Variants in KIFC2 observed in about 807,000 individuals in gnomAD.
The protein encoded by KIFC2 is kinesin family member C2.
Under a neutral mutation model 91.5 loss-of-function variants are expected in KIFC2, and 94 were observed. The observed-to-expected ratio is 1.03, with a 90% CI of 0.87 to 1.22. KIFC2 has a LOEUF of 1.22. Among genes scored for constraint, KIFC2 ranks in the 50% most tolerant of loss-of-function variants. The pLI, the probability that KIFC2 is intolerant of heterozygous loss-of-function variation, is 0.00. For synonymous variants in KIFC2, 729 were observed against 503.9 expected, an observed-to-expected ratio of 1.45 and a Z score of -5.98; for missense variants, 1,357 against 1,103.3, an observed-to-expected ratio of 1.23 and a Z score of -3.26.
intron 13 of KIFC2, 34 bp downstream of exon 13, chr8:144,472,080 C>A: frequency 6.2e-7 from 1 of 1,613,270 alleles, no homozygotes; most frequent in Non-Finnish European, 8.5e-7. Flanking sequence ...TGGGAGAGGC[C>A]CCAGGGGCCC....
At position 144,469,238 on chromosome 8, in the gene KIFC2, C is replaced by T. The variant is rs528149738; in HGVS notation, c.1114-33C>T. The T allele has an allele frequency of 2.6e-5, 39 of 1,519,052 alleles. 1 individual carries two copies. The highest frequency in any genetic ancestry group is 1.3e-4 in the South Asian group (11 of 83,880). The allele number at this position is 1,519,052 out of a possible 1,614,324, so 94.1% of individuals were successfully genotyped here. On this transcript the variant is annotated intron_variant, in intron 10 of 17. Transcript: ENST00000645548. Reference sequence around the variant, plus strand: ...CCCACCTCCGCAGCTCCTTGGCTGACCCCTTGCCTTCTGTACATCCCTGTT... The same window carrying T: ...CCCACCTCCGCAGCTCCTTGGCTGATCCCTTGCCTTCTGTACATCCCTGTT...
Position 144,472,936 on chromosome 8 carries a change from G to C in KIFC2, c.2003G>C (p.Gly668Ala). Residue 668 changes from glycine (G) to alanine (A), a missense_variant, in exon 17 of 18, where the codon GGC (glycine) becomes GCC (alanine). Gly to Ala is a moderately conservative substitution (Grantham distance 60, BLOSUM62 0). Coordinates refer to ENST00000645548, the MANE Select transcript of KIFC2 (RefSeq NM_001369769.2). ...TINRSLLALG[G>A]VMAALRAHRP... is the part of the protein sequence containing the mutation. ...AACCGCTCGCTGCTGGCGCTAGGAG[G>C]CGTGATGGCCGCACTGCGGGCCCAC... is the stretch of plus-strand genomic sequence containing the variant. 6.7e-7 allele frequency: 1 copy of C among 1,485,174 alleles called. No homozygotes were observed. The highest frequency in any genetic ancestry group is 8.9e-7 in the Non-Finnish European group (1 of 1,128,290). The allele number at this position is 1,485,174 out of a possible 1,614,324, so 92.0% of individuals were successfully genotyped here.
At chr8:144,467,382 A>T (rs758646150) in intron 4 of KIFC2, 41 bp downstream of exon 4, 2 of 1,554,626 alleles carry the variant, frequency 1.3e-6, no homozygotes, top group East Asian at 4.5e-5. Flanking sequence ...CTCTGGAGGG[A>T]GCAAATCCCG....
At chr8:144,468,062 G>A (rs937127119) in intron 7 of KIFC2, 75 bp downstream of exon 7, 11 of 1,460,412 alleles carry the variant, frequency 7.5e-6, no homozygotes, top group Middle Eastern at 2.3e-4. Flanking sequence ...CACAGGGCCC[G>A]AGCCTCCTCA....
intron 7 of KIFC2, 124 bp from the exon 8 acceptor site, chr8:144,468,205 G>T: frequency 9.5e-7 from 1 of 1,053,998 alleles, no homozygotes; most frequent in Non-Finnish European, 1.4e-6. Flanking sequence ...GGAGGTCTGC[G>T]TGGAGCTGGG....
rs1176936107 is a variant in KIFC2, at chr8:144,467,861, G to A, written c.684G>A (p.Gly228=). ...EELGRLRLGV[G]ATDSEKRVQH... ...TGCCGAGGTTTCCTCTCCACCAGGG[G>A]GCGACGGACTCAGAGAAAAGGGTTC... The change falls in exon 7 of 18, where the codon GGG becomes GGA. Residue 228 remains glycine, a splice_region_variant and synonymous_variant. Transcript: ENST00000645548. 4 of 1,613,370 alleles carry A rather than the reference G, an allele frequency of 2.5e-6. No homozygotes were observed. The highest frequency in any genetic ancestry group is 2.2e-5 in the East Asian group (1 of 44,894).
Position 144,469,328 on chromosome 8 carries a change from G to A in KIFC2, c.1171G>A (p.Gly391Arg). ...AGGGCCTGGCACTCAGCTCCCTGAGGGGCAGCAAGGGCCCCCAGCCGGATG... is the reference window on the plus strand; with the variant it reads ...AGGGCCTGGCACTCAGCTCCCTGAGAGGCAGCAAGGGCCCCCAGCCGGATG... ...SGGPGTQLPE[G>R]QQGPPAGCPG... Residue 391 changes from glycine to arginine, a missense_variant, in exon 11 of 18, where the codon GGG becomes AGG. By Grantham distance (125) the Gly-to-Arg change is moderately radical. Coordinates refer to ENST00000645548, the MANE Select transcript of KIFC2 (RefSeq NM_001369769.2). 7 of 1,607,640 alleles carry A rather than the reference G, an allele frequency of 4.4e-6. No homozygotes were observed. Among genetic ancestry groups the A allele is most frequent in the Non-Finnish European group, 5.9e-6 (7 of 1,178,348 alleles).
chr8:144,466,948 C>A lies in KIFC2; in HGVS notation c.179-11C>A. On this transcript the variant is annotated splice_polypyrimidine_tract_variant and intron_variant, in intron 2 of 17. Coordinates refer to ENST00000645548, the MANE Select transcript of KIFC2 (RefSeq NM_001369769.2). ...CCCGAAATGTCTCCCGCCCTCCTCC[C>A]TGACCGGCAGCCAGCTCCGAGCCTG... 1 of 1,589,150 alleles carries A rather than the reference C, an allele frequency of 6.3e-7. No individual in the cohort carries two copies. Among genetic ancestry groups the A allele is most frequent in the Non-Finnish European group, 8.5e-7 (1 of 1,175,082 alleles).
intron 14 of KIFC2, 28 bp downstream of exon 14, chr8:144,472,287 TC>T: frequency 1.2e-6 from 2 of 1,613,346 alleles, no homozygotes; most frequent in South Asian, 2.2e-5. Context: ...GGAGGCCTTC[TC>T]CCCACCCCTG....
intron 7 of KIFC2, 166 bp from the exon 8 acceptor site, chr8:144,468,163 C>A: frequency 4.7e-6 from 5 of 1,052,714 alleles, no homozygotes; most frequent in Non-Finnish European, 6.7e-6. Flanking sequence ...CTCTGAGTGG[C>A]TGACCCCAGG....
chr8:144,467,521 C>G lies in KIFC2; in HGVS notation c.506C>G (p.Thr169Ser). 2 of 1,596,464 alleles carry G rather than the reference C, an allele frequency of 1.3e-6. No individual in the cohort carries two copies. The highest frequency in any genetic ancestry group is 1.7e-6 in the Non-Finnish European group (2 of 1,172,278). ...CAAGAAGAAAGCCCTTCCCACTTCA[C>G]CGCAGTCCCAGGCGAGCCACTGGGG... ...TSQEESPSHFTAVPGEPLGDE... is the reference protein window; with the variant it reads ...TSQEESPSHFSAVPGEPLGDE... Residue 169 changes from threonine to serine, a missense_variant, in exon 5 of 18, where the codon ACC becomes AGC. Transcript: ENST00000645548.
chr8:144,468,123 C>A, intron 7 of KIFC2, 136 bp downstream of exon 7: 1 of 1,214,442 alleles, frequency 8.2e-7, no homozygotes, highest in Non-Finnish European at 1.1e-6. Context: ...GAGGCTGATG[C>A]CAATGGGAAG....
chr8:144,468,692 G>A, intron 9 of KIFC2, 33 bp from the exon 10 acceptor site: 2 of 1,613,498 alleles, frequency 1.2e-6, no homozygotes, highest in Non-Finnish European at 1.7e-6. Context: ...CCTGGAGGCT[G>A]GGCCTTCCCT....
chr8:144,471,188 C>T (rs1432101151), intron 12 of KIFC2, among the ~76,000 whole-genome samples: 2 of 152,138 alleles, frequency 1.3e-5, no homozygotes, highest in Non-Finnish European at 2.9e-5. Context: ...TGGTCTTGAA[C>T]TCCTGACCTT....
chr8:144,472,776 G>A lies in KIFC2; in HGVS notation c.1862-19G>A. On this transcript the variant is annotated intron_variant, in intron 16 of 17. Transcript: ENST00000645548. Reference sequence around the variant, plus strand: ...CGAGGCCCGGCCTTCCCCCATGTCGGGCTCGCTCGCCCCTCTAGGCACGCT... The same window carrying A: ...CGAGGCCCGGCCTTCCCCCATGTCGAGCTCGCTCGCCCCTCTAGGCACGCT... The A allele has an allele frequency of 6.3e-7, 1 of 1,591,448 alleles. No homozygotes were observed. Among genetic ancestry groups the A allele is most frequent in the Non-Finnish European group, 8.5e-7 (1 of 1,176,928 alleles).
Position 144,467,352 on chromosome 8 carries a change from G to A in KIFC2, c.469+11G>A, listed in dbSNP as rs374686348. The A allele has an allele frequency of 5.1e-5, 81 of 1,588,162 alleles. No homozygotes were observed. The highest frequency in any genetic ancestry group is 3.4e-4 in the Middle Eastern group (2 of 5,914). On this transcript the variant is annotated intron_variant, in intron 4 of 17. Coordinates refer to ENST00000645548, the MANE Select transcript of KIFC2 (RefSeq NM_001369769.2). The stretch of plus-strand genomic sequence containing the variant: ...CCCCCTCTCCAGATGGTGAGTAAAG[G>A]ACAGTAAGTTGAAGAAGAACTCTGG...
At position 144,473,729 on chromosome 8, in the gene KIFC2, G is replaced by C; in HGVS notation, c.*340G>C. The C allele has an allele frequency of 2.2e-6, 1 of 453,652 alleles. No individual in the cohort carries two copies. Among genetic ancestry groups the C allele is most frequent in the South Asian group, 4.5e-5 (1 of 22,112 alleles). The allele number at this position is 453,652 out of a possible 1,614,324, so 28.1% of individuals were successfully genotyped here. The stretch of plus-strand genomic sequence containing the variant: ...ACTCCTGACCCAAAAATCAGGCATG[G>C]CATTAAAACGTTGCAAATTCCTTTA... On this transcript the variant is annotated 3_prime_UTR_variant, in exon 18 of 18. Coordinates refer to ENST00000645548, the MANE Select transcript of KIFC2 (RefSeq NM_001369769.2).
In KIFC2 at chr8:144,473,783, G is replaced by A. The variant is rs1825044772; in HGVS notation, c.*394G>A. 3 of 380,362 alleles carry A rather than the reference G, an allele frequency of 7.9e-6. No individual in the cohort carries two copies. The highest frequency in any genetic ancestry group is 4.3e-5 in the Admixed American group (1 of 23,306). The allele number at this position is 380,362 out of a possible 1,614,324, so 23.6% of individuals were successfully genotyped here. Reference sequence around the variant, plus strand: ...TTATCCCCCCCACCACCAGGACCATGTAGGGTGCAGTCTTTACTCCCTAAC... The same window carrying A: ...TTATCCCCCCCACCACCAGGACCATATAGGGTGCAGTCTTTACTCCCTAAC... On this transcript the variant is annotated 3_prime_UTR_variant, in exon 18 of 18. Coordinates refer to ENST00000645548, the MANE Select transcript of KIFC2 (RefSeq NM_001369769.2).
intron 1 of KIFC2, 48 bp from the exon 2 acceptor site, chr8:144,466,712 G>A (rs1490982611): frequency 1.4e-6 from 2 of 1,428,952 alleles, no homozygotes; most frequent in East Asian, 2.7e-5. Flanking sequence ...GAAGGGGCCA[G>A]CAGGCTGCCT....
Sources: gnomAD v4.1 joint callset for allele counts (sites outside exome capture counted in the v4.1 genomes callset) on GRCh38, gnomAD v4.1.1 for gene constraint, MANE v1.5 for transcripts, NCBI Gene and HGNC (gene_info 2026-07-23, HGNC 2026-07-21) for gene names.